The following NECTIN3 variants were observed in gnomAD, a reference collection of about 807,000 sequenced individuals.
NECTIN3 encodes nectin cell adhesion molecule 3.
In NECTIN3, 8 loss-of-function variants were observed where a neutral mutation model predicts 49.4. The observed-to-expected ratio is 0.16, with a 90% CI of 0.10 to 0.29. NECTIN3 has a LOEUF of 0.29. Among genes scored for constraint, NECTIN3 ranks in the 10% least tolerant of loss-of-function variants. The pLI, the probability that NECTIN3 is intolerant of heterozygous loss-of-function variation, is 1.00. For missense variants in NECTIN3, 581 were observed against 654.6 expected, an observed-to-expected ratio of 0.89 and a Z score of 1.23; for synonymous variants, 277 against 241.1, an observed-to-expected ratio of 1.15 and a Z score of -1.38.
intron 7 of NECTIN3, among the ~76,000 whole-genome samples, chr3:111,148,015 A>G (rs1320752536): frequency 6.6e-6 from 1 of 152,138 alleles, no homozygotes; most frequent in Non-Finnish European, 1.5e-5. Context: ...TATTTGGGAA[A>G]GTTGTAAACT....
intron 1 of NECTIN3, among the ~76,000 whole-genome samples, chr3:111,103,018 T>C (rs1253739347): frequency 6.6e-6 from 1 of 152,186 alleles, no homozygotes; most frequent in Non-Finnish European, 1.5e-5. Context: ...CTGTCTATTC[T>C]TTAGCCAATA....
Position 111,103,713 on chromosome 3 carries a change from C to T in NECTIN3, c.161-8317C>T, listed in dbSNP as rs528852748. Among the ~76,000 whole-genome samples, 12 of 151,970 alleles carry T rather than the reference C, an allele frequency of 7.9e-5. 1 individual carries two copies. The highest frequency in any genetic ancestry group is 1.6e-4 in the Non-Finnish European group (11 of 67,994). ...AAAAAGGAGTAGTGAGAGGGGAAAT[C>T]CTTGCCTATTTCTGATCTTAACTGG... is the stretch of plus-strand genomic sequence containing the variant. On this transcript the variant is annotated intron_variant, in intron 1 of 5. Transcript: ENST00000485303.
At chr3:111,079,661 T>C (rs891138752) in intron 1 of NECTIN3, among the ~76,000 whole-genome samples, 4 of 151,814 alleles carry the variant, frequency 2.6e-5, no homozygotes, top group African/African-American at 7.2e-5. Flanking sequence ...GACTAAAACA[T>C]GATAGCAGCA....
chr3:111,095,948 G>A lies in NECTIN3; in HGVS notation c.161-16082G>A, dbSNP rs544621152. Among the ~76,000 whole-genome samples, 69 of 152,316 alleles carry A rather than the reference G, an allele frequency of 4.5e-4. 1 individual carries two copies. The highest frequency in any genetic ancestry group is 1.6e-3 in the African/African-American group (68 of 41,572). ...AAATGGGCTAAAATAGTAAATTGGT[G>A]TCAGTGGAGTGGGGCATTACTGAAA... On this transcript the variant is annotated intron_variant, in intron 1 of 5. Coordinates refer to ENST00000485303, the MANE Select transcript of NECTIN3 (RefSeq NM_015480.3).
At chr3:111,114,307 C>G (rs1277721425) in intron 2 of NECTIN3, among the ~76,000 whole-genome samples, 1 of 151,848 alleles carries the variant, frequency 6.6e-6, no homozygotes, top group Non-Finnish European at 1.5e-5. Flanking sequence ...TTTTTCTGGC[C>G]TTTCTTTCTT....
upstream of NECTIN3, among the ~76,000 whole-genome samples, chr3:111,189,827 G>T (rs991618464): frequency 3.5e-4 from 54 of 152,148 alleles, no homozygotes; most frequent in African/African-American, 1.1e-3. Context: ...ATCTTCACTG[G>T]GACATGGCCT....
chr3:111,190,683 A>G (rs1218737683), upstream of NECTIN3, among the ~76,000 whole-genome samples: 12 of 152,184 alleles, frequency 7.9e-5, no homozygotes. Flanking sequence ...CTCCACTCTT[A>G]TACCCTATTC....
At chr3:111,144,775 TC>T (rs2034833576) in intron 5 of NECTIN3, 3 of 1,030,586 alleles carry the variant, frequency 2.9e-6, no homozygotes, top group Admixed American at 3.0e-5. Context: ...AAATTTGGGG[TC>T]CTCTAACCTG....
At chr3:111,138,143 A>T (rs917719995), downstream of NECTIN3, among the ~76,000 whole-genome samples, 1 of 151,634 alleles carries the variant, frequency 6.6e-6, no homozygotes, top group Non-Finnish European at 1.5e-5. Flanking sequence ...TTTACTTACT[A>T]CTTTTTGTGA....
At chr3:111,093,175 T>G (rs2107397780) in intron 1 of NECTIN3, among the ~76,000 whole-genome samples, 1 of 152,310 alleles carries the variant, frequency 6.6e-6, no homozygotes, top group East Asian at 1.9e-4. Context: ...TTATTAGTTC[T>G]AACAGCCTCT....
At chr3:111,142,917 A>G (rs1480301558) in intron 5 of NECTIN3, among the ~76,000 whole-genome samples, 1 of 151,902 alleles carries the variant, frequency 6.6e-6, no homozygotes, top group Non-Finnish European at 1.5e-5. Flanking sequence ...CAAGAGAGGA[A>G]GACCTTTAGA....
intron 7 of NECTIN3, among the ~76,000 whole-genome samples, chr3:111,180,361 C>T (rs746168375): frequency 4.6e-4 from 70 of 152,166 alleles, no homozygotes; most frequent in Non-Finnish European, 3.4e-4. Flanking sequence ...TAATGAGAGA[C>T]ATTCATATGA....
chr3:111,091,364 C>G (rs991422745), intron 1 of NECTIN3, among the ~76,000 whole-genome samples: 1 of 152,106 alleles, frequency 6.6e-6, no homozygotes, highest in Non-Finnish European at 1.5e-5. Context: ...CACGCCATCT[C>G]CTGCCTCAGC....
rs142606359 is a variant in NECTIN3 at position 111,169,079 on chromosome 3, CTTTTTTTTTTTTTTTTT to C, written c.1221+21607_1221+21623del. On this transcript the variant is annotated intron_variant, in intron 7 of 8. Transcript: ENST00000493615. ...TACTAGTATATCAGGACTATTCAAA[CTTTTTTTTTTTTTTTTT>C]TTTTTTTTTTTGAGACGGAGTCTCG... 1.9e-5 allele frequency among the ~76,000 whole-genome samples: 2 copies of C among 104,106 alleles called. 1 individual carries two copies. Among genetic ancestry groups the C allele is most frequent in the East Asian group, 6.6e-4 (2 of 3,032 alleles). 68.3% of individuals were successfully genotyped at this position (104,106 alleles called of 152,430 possible).
intron 7 of NECTIN3, among the ~76,000 whole-genome samples, chr3:111,170,541 G>T (rs1434426753): frequency 2.0e-5 from 3 of 152,140 alleles, no homozygotes; most frequent in Non-Finnish European, 4.4e-5. Flanking sequence ...TGTAATAGGG[G>T]AGAAAGACTG....
At chr3:111,073,927 C>T (rs776585480) in intron 1 of NECTIN3, among the ~76,000 whole-genome samples, 71 of 152,180 alleles carry the variant, frequency 4.7e-4, no homozygotes, top group Non-Finnish European at 9.0e-4. Flanking sequence ...TTTAAAAAAT[C>T]TCAATGTAGC....
downstream of NECTIN3, among the ~76,000 whole-genome samples, chr3:111,138,081 T>G (rs2034644500): frequency 6.6e-6 from 1 of 151,684 alleles, no homozygotes; most frequent in African/African-American, 2.4e-5. Context: ...TGGCTTTCAA[T>G]TTGGAATTAA....
chr3:111,072,253 A>G, intron 1 of NECTIN3, 76 bp downstream of exon 1: 1 of 1,482,372 alleles, frequency 6.7e-7, no homozygotes, highest in East Asian at 2.5e-5. Context: ...CGGCTCTGCC[A>G]GCCGTTCTCT....
downstream of NECTIN3, among the ~76,000 whole-genome samples, chr3:111,141,174 A>G (rs533421928): frequency 6.6e-6 from 1 of 152,120 alleles, no homozygotes; most frequent in South Asian, 2.1e-4. Flanking sequence ...ATAAAAGCTA[A>G]TAAGTCATAT....
Sources: gnomAD v4.1 joint callset for allele counts (sites outside exome capture counted in the v4.1 genomes callset) on GRCh38, gnomAD v4.1.1 for gene constraint, MANE v1.5 for transcripts, NCBI Gene and HGNC (gene_info 2026-07-23, HGNC 2026-07-21) for gene names.